SPECC1: variants seen among roughly 807,000 people sequenced by gnomAD.
SPECC1 encodes cytospin-B.
Under a neutral mutation model 104.1 loss-of-function variants are expected in SPECC1, and 62 were observed. That is an observed-to-expected ratio of 0.60 (90% confidence interval 0.49 to 0.74). SPECC1 has a LOEUF of 0.74. Ranked by LOEUF, SPECC1 falls within the 30% of genes least tolerant of loss-of-function variation. The pLI is 0.00. For synonymous variants in SPECC1, 513 were observed against 501.6 expected (o/e 1.02, Z -0.30); for missense variants, 1,306 against 1,310.5 (o/e 1.00, Z 0.05).
intron 14 of SPECC1, among the ~76,000 whole-genome samples, chr17:20,308,032 G>A (rs75900334): frequency 6.6e-6 from 1 of 152,082 alleles, no homozygotes; most frequent in Non-Finnish European, 1.5e-5. Context: ...TGGTCAATGA[G>A]GATTTTTAAA....
chr17:20,257,879 T>C (rs1187283241), intron 11 of SPECC1, among the ~76,000 whole-genome samples: 2 of 152,148 alleles, frequency 1.3e-5, no homozygotes, highest in Admixed American at 1.3e-4. Flanking sequence ...AGAGAAGTGG[T>C]GTTTCTGCCA....
intron 1 of SPECC1, among the ~76,000 whole-genome samples, chr17:20,052,594 G>A (rs2152462540): frequency 6.6e-6 from 1 of 152,312 alleles, no homozygotes; most frequent in African/African-American, 2.4e-5. Flanking sequence ...TGGGAGCAGT[G>A]ACATCTCCAA....
chr17:20,238,692 C>T (rs1203679455), intron 7 of SPECC1: 1 of 1,039,628 alleles, frequency 9.6e-7, no homozygotes, highest in Non-Finnish European at 1.2e-6. Context: ...GCACTCTTTA[C>T]CTCAGATTCA....
intron 3 of SPECC1, among the ~76,000 whole-genome samples, chr17:20,118,900 T>C (rs940720005): frequency 6.6e-6 from 1 of 152,234 alleles, no homozygotes; most frequent in Non-Finnish European, 1.5e-5. Context: ...GTGGATTTTT[T>C]TTTATTGTTT....
chr17:20,282,560 A>G (rs1598136862), intron 12 of SPECC1, among the ~76,000 whole-genome samples: 2 of 152,240 alleles, frequency 1.3e-5, no homozygotes, highest in East Asian at 3.9e-4. Context: ...ACCTGGAAGA[A>G]TAAGCAACTA....
chr17:20,089,280 A>G (rs115168853), intron 1 of SPECC1, among the ~76,000 whole-genome samples: 1 of 152,326 alleles, frequency 6.6e-6, no homozygotes, highest in African/African-American at 2.4e-5. Context: ...AAGGAAAATG[A>G]TGAACATGGT....
chr17:20,272,232 T>C (rs1852735866), intron 12 of SPECC1, among the ~76,000 whole-genome samples: 1 of 152,152 alleles, frequency 6.6e-6, no homozygotes, highest in African/African-American at 2.4e-5. Context: ...CCTCTAATTA[T>C]CATATTCTTT....
intron 12 of SPECC1, among the ~76,000 whole-genome samples, chr17:20,263,226 A>T (rs1159635038): frequency 6.7e-6 from 1 of 148,828 alleles, no homozygotes; most frequent in African/African-American, 2.5e-5. Context: ...ACCAATAGCT[A>T]TGACTTCTTA....
intron 4 of SPECC1, among the ~76,000 whole-genome samples, chr17:20,209,275 T>C (rs1038550391): frequency 6.6e-6 from 1 of 152,162 alleles, no homozygotes; most frequent in African/African-American, 2.4e-5. Context: ...GAGCAGTGCA[T>C]TCATCCACTC....
chr17:20,022,586 T>C (rs1386520475), intron 1 of SPECC1, among the ~76,000 whole-genome samples: 1 of 152,228 alleles, frequency 6.6e-6, no homozygotes, highest in Non-Finnish European at 1.5e-5. Context: ...GTAATCAAGA[T>C]ATTTCACATA....
chr17:20,233,963 C>T (rs535049536), intron 7 of SPECC1, among the ~76,000 whole-genome samples: 1 of 152,238 alleles, frequency 6.6e-6, no homozygotes, highest in African/African-American at 2.4e-5. Context: ...TGAATAGGTT[C>T]TTGTATGAGA....
chr17:20,236,846 TTC>T (rs746096132), intron 7 of SPECC1: 2 of 1,613,744 alleles, frequency 1.2e-6, no homozygotes, highest in African/African-American at 2.7e-5. Flanking sequence ...TCCCTCCCGT[TTC>T]TATTTTCACA....
At chr17:20,084,622 A>G (rs2047107148) in intron 1 of SPECC1, among the ~76,000 whole-genome samples, 1 of 152,126 alleles carries the variant, frequency 6.6e-6, no homozygotes, top group Non-Finnish European at 1.5e-5. Flanking sequence ...TATCCCATTA[A>G]TCAGGTGGGT....
chr17:20,010,215 C>G (rs1158370990), intron 1 of SPECC1: 2 of 150,406 alleles, frequency 1.3e-5, no homozygotes, highest in African/African-American at 2.5e-5. Flanking sequence ...CATTTGCCAG[C>G]ACGTAAGTTT....
Position 20,257,446 on chromosome 17 carries a change from C to T in SPECC1, c.2681-5C>T, listed in dbSNP as rs775294935. 1.2e-5 allele frequency: 19 copies of T among 1,562,950 alleles called. No homozygotes were observed. In the Admixed American group the frequency reaches 2.9e-4, roughly 24 times the overall value. On this transcript the variant is annotated splice_polypyrimidine_tract_variant and splice_region_variant and intron_variant, in intron 10 of 14. Coordinates refer to ENST00000395527, the MANE Select transcript of SPECC1 (RefSeq NM_001243439.2). ...GAATGAGTGATTATGTGGTTGTTCCCACAGATATTCTAAAGGGAAGGACTG... is the reference window on the plus strand; with the variant it reads ...GAATGAGTGATTATGTGGTTGTTCCTACAGATATTCTAAAGGGAAGGACTG...
At chr17:20,227,644 G>A in intron 5 of SPECC1, 24 bp downstream of exon 5, 1 of 1,606,652 alleles carries the variant, frequency 6.2e-7, no homozygotes, top group Non-Finnish European at 8.5e-7. Context: ...GCCAGGCATG[G>A]TGGCTCACAC....
At chr17:20,181,435 G>A (rs2034879133) in intron 3 of SPECC1, among the ~76,000 whole-genome samples, 1 of 152,094 alleles carries the variant, frequency 6.6e-6, no homozygotes, top group African/African-American at 2.4e-5. Flanking sequence ...AGAATCCATT[G>A]TTATAGGTAT....
rs1431182126 is a variant in SPECC1, at chr17:20,297,000, G to GGCCTGGCCTTCTGTGCTCTGC, written c.2981_3001dup (p.Leu1000_Leu1001insArgLeuAlaPheCysAlaLeu). ...CAATTTCAGCAGCAGCTGGAGCGAT[G>GGCCTGGCCTTCTGTGCTCTGC]GCCTGGCCTTCTGTGCTCTGCTCCA... On this transcript the variant is annotated inframe_insertion, in exon 13 of 15. Coordinates refer to ENST00000395527, the MANE Select transcript of SPECC1 (RefSeq NM_001243439.2). The GGCCTGGCCTTCTGTGCTCTGC allele has an allele frequency of 6.2e-7, 1 of 1,614,028 alleles. No homozygotes were observed. Among genetic ancestry groups the GGCCTGGCCTTCTGTGCTCTGC allele is most frequent in the Non-Finnish European group, 8.5e-7 (1 of 1,180,036 alleles).
chr17:20,166,414 T>G (rs1303875317), intron 3 of SPECC1, among the ~76,000 whole-genome samples: 1 of 152,202 alleles, frequency 6.6e-6, no homozygotes, highest in Non-Finnish European at 1.5e-5. Context: ...GTGATCGTAA[T>G]GCAATAAAAC....
Sources: gnomAD v4.1 joint callset for allele counts (sites outside exome capture counted in the v4.1 genomes callset) on GRCh38, gnomAD v4.1.1 for gene constraint, MANE v1.5 for transcripts, NCBI Gene and HGNC (gene_info 2026-07-23, HGNC 2026-07-21) for gene names.